VARS2: variants seen among roughly 807,000 people sequenced by gnomAD.
VARS2 encodes the protein valyl-tRNA synthetase 2, mitochondrial.
In VARS2, 105 loss-of-function variants were observed where a neutral mutation model predicts 154.1. The ratio of observed to expected loss-of-function variants is 0.68; its 90% confidence interval spans 0.58 to 0.80. The LOEUF is 0.80. Ranked by LOEUF, VARS2 falls within the 30% of genes least tolerant of loss-of-function variation. The probability of loss-of-function intolerance (pLI) is 0.00; values close to 1 mark genes in which losing one functional copy is unlikely to be tolerated. For synonymous variants in VARS2, 483 were observed against 539.5 expected, an observed-to-expected ratio of 0.90 and a Z score of 1.45; for missense variants, 1,157 against 1,361.4, an observed-to-expected ratio of 0.85 and a Z score of 2.36.
At position 30,916,036 on chromosome 6, in the gene VARS2, A is replaced by C; in HGVS notation, c.562A>C (p.Ile188Leu). ...GGTCCCTGGTTCAGATCATGCAGGA[A>C]TTGCTACACAAGTATGTCTTTTGTT... ...LWVPGSDHAG[I>L]ATQAVVEKQL... is the part of the protein sequence containing the mutation. Residue 188 changes from isoleucine to leucine, a missense_variant, in exon 6 of 30, where the codon ATT becomes CTT. Transcript: ENST00000676266. The surrounding 1 kb of genome is among the most constrained non-coding windows in gnomAD (Gnocchi z 4.0). 1 of 1,613,978 alleles carries C rather than the reference A, an allele frequency of 6.2e-7. No individual in the cohort carries two copies. Among genetic ancestry groups the C allele is most frequent in the Non-Finnish European group, 8.5e-7 (1 of 1,179,890 alleles).
In VARS2 at chr6:30,924,454, T is replaced by C. The variant is rs1406157639; in HGVS notation, c.2567T>C (p.Leu856Pro). Residue 856 changes from leucine to proline, a missense_variant, in exon 26 of 30, where the codon CTG becomes CCG. Leu to Pro is a moderately conservative substitution (Grantham distance 98). Coordinates refer to ENST00000676266, the MANE Select transcript of VARS2 (RefSeq NM_020442.6). ...CTCGGCCTCCGCCTCCTGGCCCCAC[T>C]GATGCCCTTCCTGGCTGAAGAGCTC... Reference protein sequence around the residue: ...ADLGLRLLAPLMPFLAEELWQ... With the variant: ...ADLGLRLLAPPMPFLAEELWQ... 1 of 1,612,660 alleles carries C rather than the reference T, an allele frequency of 6.2e-7. No homozygotes were observed. The highest frequency in any genetic ancestry group is 8.5e-7 in the Non-Finnish European group (1 of 1,179,842).
rs751323579 is a variant in VARS2 at position 30,915,431 on chromosome 6, G to A, written c.360G>A (p.Glu120=). Residue 120 remains glutamate (E), a synonymous_variant, in exon 4 of 30, where the codon GAG becomes GAA. Transcript: ENST00000676266. ...EAAWYPWWVR[E]GFFKPEYQAR... is the part of the protein sequence containing the mutation. ...CCTGGTACCCGTGGTGGGTACGAGA[G>A]GGCTTCTTCAAACCAGAATATCAGG... 5.0e-6 allele frequency: 8 copies of A among 1,614,160 alleles called. No individual in the cohort carries two copies. The highest frequency in any genetic ancestry group is 3.3e-4 in the Middle Eastern group (2 of 6,026).
Position 30,920,996 on chromosome 6 carries a change from C to G in VARS2, c.1480-69C>G. 2 of 1,484,712 alleles carry G rather than the reference C, an allele frequency of 1.3e-6. No homozygotes were observed. Among genetic ancestry groups the G allele is most frequent in the Non-Finnish European group, 1.8e-6 (2 of 1,100,770 alleles). 92.0% of individuals were successfully genotyped at this position (1,484,712 alleles called of 1,614,324 possible). A position where few individuals can be genotyped will look rare whatever the true frequency, so the allele number is the denominator to read the frequency against. Reference sequence around the variant, plus strand: ...AGTTTTAAAATGACCTCAGAGGCCACTCGTCCTATCTGTGGAGGTGCGGCC... The same window carrying G: ...AGTTTTAAAATGACCTCAGAGGCCAGTCGTCCTATCTGTGGAGGTGCGGCC... On this transcript the variant is annotated intron_variant, in intron 15 of 29. Transcript: ENST00000676266. This position sits in a 1 kb window ranked among gnomAD's most constrained non-coding sequence, Gnocchi z 4.6.
rs9357103 is a variant in VARS2 at position 30,920,561 on chromosome 6, G to C, written c.1398-107G>C. On this transcript the variant is annotated intron_variant, in intron 14 of 29. Transcript: ENST00000676266. This position sits in a 1 kb window ranked among gnomAD's most constrained non-coding sequence, Gnocchi z 4.6. ...TACGAGCTCCGTGTCGGTTTTATTC[G>C]CTATTGTATCCTCAGTACCAAGGGC... The C allele has an allele frequency of 7.4e-7, 1 of 1,349,002 alleles. No homozygotes were observed. 83.6% of individuals were successfully genotyped at this position (1,349,002 alleles called of 1,614,324 possible). A position where few individuals can be genotyped will look rare whatever the true frequency, so the allele number is the denominator to read the frequency against.
At position 30,921,219 on chromosome 6, in the gene VARS2, CCTCCCGGCAGGGACTGGTGTGT is replaced by C; in HGVS notation, c.1557_1578del (p.Asp520CysfsTer13). 5 of 1,613,920 alleles carry C rather than the reference CCTCCCGGCAGGGACTGGTGTGT, an allele frequency of 3.1e-6. No individual in the cohort carries two copies. Among genetic ancestry groups the C allele is most frequent in the Non-Finnish European group, 4.2e-6 (5 of 1,180,004 alleles). On this transcript the variant is annotated splice_acceptor_variant and splice_polypyrimidine_tract_variant and coding_sequence_variant and intron_variant, in exon 17 of 30. Transcript: ENST00000676266. LOFTEE classifies it high-confidence loss of function. This position sits in a 1 kb window ranked among gnomAD's most constrained non-coding sequence, Gnocchi z 4.6. ...GGTTATTCTAAGACTTCACGAATGTCCTCCCGGCAGGGACTGGTGTGTCTCCCGGCAGCTGTGGTGGGGCCAT... is the reference window on the plus strand; with the variant it reads ...GGTTATTCTAAGACTTCACGAATGTCCTCCCGGCAGCTGTGGTGGGGCCAT...
In VARS2 at chr6:30,922,457, T is replaced by C. The variant is rs1794582607; in HGVS notation, c.1940T>C (p.Leu647Pro). The C allele has an allele frequency of 6.2e-7, 1 of 1,605,632 alleles. No individual in the cohort carries two copies. The highest frequency in any genetic ancestry group is 8.5e-7 in the Non-Finnish European group (1 of 1,176,708). The change falls in exon 21 of 30, where the codon CTT becomes CCT. Residue 647 changes from leucine (L) to proline (P), a missense_variant. By Grantham distance (98) the Leu-to-Pro change is moderately conservative. Transcript: ENST00000676266. Reference sequence around the variant, plus strand: ...ACCCCTCCCTGCCCCCAGGTGCTTCTTCATCCCATGGTTCGGGACAGGCAG... The same window carrying C: ...ACCCCTCCCTGCCCCCAGGTGCTTCCTCATCCCATGGTTCGGGACAGGCAG... Reference protein sequence around the residue: ...TGQLPFSKVLLHPMVRDRQGR... With the variant: ...TGQLPFSKVLPHPMVRDRQGR...
chr6:30,917,932 C>T lies in VARS2; in HGVS notation c.985+126C>T, dbSNP rs1201850915. 7.3e-6 allele frequency: 7 copies of T among 961,878 alleles called. No individual in the cohort carries two copies. The highest frequency in any genetic ancestry group is 1.7e-5 in the African/African-American group (1 of 60,364). The allele number at this position is 961,878 out of a possible 1,614,324, so 59.6% of individuals were successfully genotyped here. A position where few individuals can be genotyped will look rare whatever the true frequency, so the allele number is the denominator to read the frequency against. The stretch of plus-strand genomic sequence containing the variant: ...TGTACCTTGGTAGTGTTCACCTCAG[C>T]GTGGGCACTTACCCAGGGTCTTCTG... On this transcript the variant is annotated intron_variant, in intron 10 of 29. Coordinates refer to ENST00000676266, the MANE Select transcript of VARS2 (RefSeq NM_020442.6). This position sits in a 1 kb window ranked among gnomAD's most constrained non-coding sequence, Gnocchi z 4.4.
In VARS2 at chr6:30,916,614, C is replaced by A; in HGVS notation, c.672-264C>A. Reference sequence around the variant, plus strand: ...CCTCATTCTTCTGGGTCTGTTATCTCATGCCATCTCTGTGAAGCATCCTTG... The same window carrying A: ...CCTCATTCTTCTGGGTCTGTTATCTAATGCCATCTCTGTGAAGCATCCTTG... On this transcript the variant is annotated intron_variant, in intron 7 of 29. Coordinates refer to ENST00000676266, the MANE Select transcript of VARS2 (RefSeq NM_020442.6). This position sits in a 1 kb window ranked among gnomAD's most constrained non-coding sequence, Gnocchi z 4.0. 1 of 547,650 alleles carries A rather than the reference C, an allele frequency of 1.8e-6. No homozygotes were observed. The highest frequency in any genetic ancestry group is 2.5e-5 in the South Asian group (1 of 39,666). The allele number at this position is 547,650 out of a possible 1,614,324, so 33.9% of individuals were successfully genotyped here.
chr6:30,925,471 C>T, intron 27 of VARS2, 73 bp from the exon 28 acceptor site: 1 of 1,562,364 alleles, frequency 6.4e-7, no homozygotes, highest in African/African-American at 1.4e-5. Flanking sequence ...GGCCAACCCC[C>T]CCGTTAGGAG....
At chr6:30,915,084 G>C (rs1247764343) in intron 2 of VARS2, 47 bp downstream of exon 2, 12 of 1,611,100 alleles carry the variant, frequency 7.4e-6, no homozygotes, top group Non-Finnish European at 7.6e-6. Context: ...ACTTGAGAGG[G>C]GCTGGAGGAG....
At chr6:30,914,738 G>A (rs1474713038) in intron 1 of VARS2, 72 bp from the exon 2 acceptor site, 6 of 1,419,336 alleles carry the variant, frequency 4.2e-6, no homozygotes, top group Non-Finnish European at 5.8e-6. Context: ...TTAGAGACAG[G>A]AAAGATGGAA....
intron 25 of VARS2, chr6:30,923,853 A>AGC (rs1371955148): frequency 2.6e-6 from 1 of 390,632 alleles, no homozygotes. Context: ...AGGGACTAGC[A>AGC]GCGGTCTTTA....
At position 30,918,920 on chromosome 6, in the gene VARS2, T is replaced by C. The variant is rs747490866; in HGVS notation, c.1074+5T>C. 6.2e-7 allele frequency: 1 copy of C among 1,612,436 alleles called. No homozygotes were observed. The highest frequency in any genetic ancestry group is 1.1e-5 in the South Asian group (1 of 91,058). On this transcript the variant is annotated splice_donor_5th_base_variant and intron_variant, in intron 11 of 29. Coordinates refer to ENST00000676266, the MANE Select transcript of VARS2 (RefSeq NM_020442.6). Reference sequence around the variant, plus strand: ...CCAGACGACTCGCGATACACAGTAATACCCAGTGCGCTCCTGCACTCTGGC... The same window carrying C: ...CCAGACGACTCGCGATACACAGTAACACCCAGTGCGCTCCTGCACTCTGGC...
At chr6:30,918,997 C>A in intron 11 of VARS2, 82 bp downstream of exon 11, 9 of 1,298,606 alleles carry the variant, frequency 6.9e-6, no homozygotes, top group Non-Finnish European at 1.0e-5. Context: ...GTGGCTCTTT[C>A]TCTCTTGCTT....
In VARS2 at chr6:30,922,671, G is replaced by C. The variant is rs1294317537; in HGVS notation, c.2038-35G>C. On this transcript the variant is annotated intron_variant, in intron 21 of 29. Transcript: ENST00000676266. ...TGACCCTTATAGAGGCAGGGCCTTC[G>C]ACCTGGGTCGTGAATTGCCCCCTTC... 3 of 1,602,252 alleles carry C rather than the reference G, an allele frequency of 1.9e-6. No individual in the cohort carries two copies. In the African/African-American group the frequency reaches 4.0e-5, roughly 21 times the overall value.
rs1327619913 is a variant in VARS2, at chr6:30,919,800, C to G, written c.1117C>G (p.Pro373Ala). 6.3e-7 allele frequency: 1 copy of G among 1,595,206 alleles called. No homozygotes were observed. Among genetic ancestry groups the G allele is most frequent in the Non-Finnish European group, 8.6e-7 (1 of 1,167,684 alleles). Reference protein sequence around the residue: ...RQLRHPLMGQPLPLITDYAVQ... With the variant: ...RQLRHPLMGQALPLITDYAVQ... ...GCTTCGTCACCCCTTGATGGGGCAG[C>G]CTCTTCCCCTCATCACAGACTATGC... is the stretch of plus-strand genomic sequence containing the variant. The change falls in exon 12 of 30, where the codon CCT becomes GCT. Residue 373 changes from proline to alanine, a missense_variant. Physicochemically the swap from Pro to Ala is conservative, Grantham distance 27. Transcript: ENST00000676266. The surrounding 1 kb of genome is among the most constrained non-coding windows in gnomAD (Gnocchi z 4.5).
At chr6:30,922,617 G>A (rs1794594540) in intron 21 of VARS2, 63 bp downstream of exon 21, 3 of 1,564,370 alleles carry the variant, frequency 1.9e-6, no homozygotes, top group Middle Eastern at 1.7e-4. Context: ...GAGGAAGGCA[G>A]GCTGAGGGAG....
chr6:30,922,299 T>C, intron 20 of VARS2, 58 bp downstream of exon 20: 1 of 1,596,170 alleles, frequency 6.3e-7, no homozygotes, highest in Non-Finnish European at 8.5e-7. Flanking sequence ...CCAAACCTTG[T>C]CCTCCCTTCT....
intron 25 of VARS2, 33 bp downstream of exon 25, chr6:30,923,538 A>G: frequency 6.3e-7 from 1 of 1,591,140 alleles, no homozygotes; most frequent in Non-Finnish European, 8.6e-7. Flanking sequence ...TGGTATTCCC[A>G]TGCCTGCTTC....
Sources: allele counts gnomAD v4.1 joint callset, GRCh38; gene constraint gnomAD v4.1.1; non-coding constraint Gnocchi (gnomAD v3.1); transcripts MANE v1.5; gene names NCBI Gene and HGNC (gene_info 2026-07-23, HGNC 2026-07-21).